Variants in TENM4 observed in about 807,000 individuals in gnomAD.
TENM4 encodes the protein teneurin-4.
In TENM4, 82 loss-of-function variants were observed where a neutral mutation model predicts 243.3. The ratio of observed to expected loss-of-function variants is 0.34; its 90% CI spans 0.28 to 0.40. The LOEUF (loss-of-function observed/expected upper bound fraction) is 0.40. Ranked by LOEUF, TENM4 falls within the 10% of genes least tolerant of loss-of-function variation. TENM4 has a pLI of 1.00. For missense variants in TENM4, 3,138 were observed against 3,673.3 expected (o/e 0.85, Z 3.77); for synonymous variants, 1,412 against 1,456.3 (o/e 0.97, Z 0.69).
chr11:78,905,838 C>T lies in TENM4; in HGVS notation c.494-2315G>A, dbSNP rs145108054. On this transcript the variant is annotated intron_variant, in intron 6 of 33. Transcript: ENST00000278550. Reference sequence around the variant, plus strand: ...CACTCAGAGAACAGGGAGTATTGGACGAGAAAGAAGGTGAGAATGTGCAGG... The same window carrying T: ...CACTCAGAGAACAGGGAGTATTGGATGAGAAAGAAGGTGAGAATGTGCAGG... Among the ~76,000 whole-genome samples, 789 of 152,268 alleles carry T rather than the reference C, an allele frequency of 5.2e-3. 9 individuals are homozygous for T. The highest frequency in any genetic ancestry group is 0.018 in the African/African-American group (761 of 41,546).
At chr11:79,139,915 T>C (rs754828136) in intron 4 of TENM4, among the ~76,000 whole-genome samples, 15 of 148,398 alleles carry the variant, frequency 1.0e-4, no homozygotes, top group Non-Finnish European at 1.6e-4. Context: ...CATAAGTGAG[T>C]GCTATAATAC....
intron 6 of TENM4, among the ~76,000 whole-genome samples, chr11:78,929,299 G>T (rs78884081): frequency 6.6e-6 from 1 of 152,166 alleles, no homozygotes; most frequent in African/African-American, 2.4e-5. Context: ...TTCCATGTGC[G>T]GCAGGTAATT....
At chr11:78,803,687 C>G (rs1383108835) in intron 15 of TENM4, among the ~76,000 whole-genome samples, 1 of 152,188 alleles carries the variant, frequency 6.6e-6, no homozygotes, top group Non-Finnish European at 1.5e-5. Flanking sequence ...ACTTAGTAAT[C>G]TCATCCAAAG....
intron 1 of TENM4, among the ~76,000 whole-genome samples, chr11:79,362,412 C>G (rs920230175): frequency 6.6e-6 from 1 of 152,222 alleles, no homozygotes; most frequent in East Asian, 1.9e-4. Context: ...AGTGGGAAGG[C>G]AGGAACTGCA....
intron 12 of TENM4, among the ~76,000 whole-genome samples, chr11:78,835,535 C>CA (rs1565399432): frequency 6.6e-6 from 1 of 152,168 alleles, no homozygotes; most frequent in Non-Finnish European, 1.5e-5. Context: ...ATCAAACAAA[C>CA]AAAAAAAGCC....
chr11:79,302,635 G>T lies in TENM4; in HGVS notation c.-320-5092C>A, dbSNP rs150502320. On this transcript the variant is annotated intron_variant, in intron 1 of 33. Transcript: ENST00000278550. ...TTTTCTGAAGTTACTTTCTTGAATT[G>T]ATTGTTGGTCAGAGAGGCTCAGTAC... Among the ~76,000 whole-genome samples the T allele has an allele frequency of 2.6e-5, 4 of 152,228 alleles. No homozygotes were observed. The East Asian group carries it at 7.7e-4, about 29-fold the overall frequency.
At chr11:79,206,731 T>G (rs143988994) in intron 3 of TENM4, among the ~76,000 whole-genome samples, 108 of 152,278 alleles carry the variant, frequency 7.1e-4, no homozygotes, top group Non-Finnish European at 1.3e-3. Flanking sequence ...AGAAGTACCT[T>G]CCACCTCCGG....
chr11:78,719,736 C>CA (rs1424114921), intron 25 of TENM4, among the ~76,000 whole-genome samples: 1 of 152,212 alleles, frequency 6.6e-6, no homozygotes, highest in Non-Finnish European at 1.5e-5. Context: ...GTGATGCTGA[C>CA]AGGCAGACAC....
At chr11:78,958,622 G>A (rs2136520773) in intron 6 of TENM4, among the ~76,000 whole-genome samples, 1 of 152,322 alleles carries the variant, frequency 6.6e-6, no homozygotes, top group East Asian at 1.9e-4. Context: ...GGGCAGCTCT[G>A]AGGCCTACCA....
At position 78,913,773 on chromosome 11, in the gene TENM4, C is replaced by T. The variant is rs369490824; in HGVS notation, c.494-10250G>A. On this transcript the variant is annotated intron_variant, in intron 6 of 33. Transcript: ENST00000278550. ...GCCATGCTGTGCTGATTTGCTGGAGCGGGCCCAGAGGAGGGATACTGGATG... is the reference window on the plus strand; with the variant it reads ...GCCATGCTGTGCTGATTTGCTGGAGTGGGCCCAGAGGAGGGATACTGGATG... Among the ~76,000 whole-genome samples the T allele has an allele frequency of 1.7e-4, 26 of 152,216 alleles. 1 individual carries two copies. In the South Asian group the frequency reaches 4.8e-3, roughly 28 times the overall value.
chr11:79,192,186 C>G lies in TENM4; in HGVS notation c.-163+23622G>C, dbSNP rs61882114. ...CCCGGCCAGCTGCCCGGTCTGGGAG[C>G]TGAGGGGCACCTCTGCCCGGCCGCC... On this transcript the variant is annotated intron_variant, in intron 3 of 33. Transcript: ENST00000278550. Among the ~76,000 whole-genome samples the G allele has an allele frequency of 3.0e-3, 428 of 144,582 alleles. 1 individual carries two copies. Among genetic ancestry groups the G allele is most frequent in the African/African-American group, 0.011 (410 of 38,838 alleles). The allele number at this position is 144,582 out of a possible 152,430, so 94.9% of individuals were successfully genotyped here.
intron 2 of TENM4, among the ~76,000 whole-genome samples, chr11:79,275,798 A>G (rs374555472): frequency 8.5e-5 from 13 of 152,248 alleles, no homozygotes; most frequent in Non-Finnish European, 1.6e-4. Context: ...GAGGGCAAAT[A>G]GAAGTTGGTT....
intron 6 of TENM4, among the ~76,000 whole-genome samples, chr11:78,921,548 G>A (rs908601193): frequency 4.6e-5 from 7 of 152,180 alleles, no homozygotes; most frequent in Non-Finnish European, 7.3e-5. Flanking sequence ...TGCCGTGTAT[G>A]AGCCTGACTG....
rs1484483885 is a variant in TENM4 at position 78,712,546 on chromosome 11, G to C, written c.3990C>G (p.Pro1330=). ...CATCCCCGCAGCGAGTGTCATCAAA[G>C]GGGAGGCACTGGTCACCTGTCCCCG... is the stretch of plus-strand genomic sequence containing the variant. The part of the protein sequence containing the change: ...VVAGTGDQCL[P]FDDTRCGDGG... The change falls in exon 26 of 34, where the codon CCC becomes CCG. Residue 1330 remains proline (P), a synonymous_variant. Coordinates refer to ENST00000278550, the MANE Select transcript of TENM4 (RefSeq NM_001098816.3). 1 of 1,613,986 alleles carries C rather than the reference G, an allele frequency of 6.2e-7. No homozygotes were observed. The highest frequency in any genetic ancestry group is 8.5e-7 in the Non-Finnish European group (1 of 1,179,888).
intron 6 of TENM4, among the ~76,000 whole-genome samples, chr11:78,924,979 C>T (rs1003561892): frequency 3.3e-5 from 5 of 152,328 alleles, no homozygotes; most frequent in Non-Finnish European, 5.9e-5. Context: ...GGTTCACTTA[C>T]ACAGGCTGAG....
intron 9 of TENM4, among the ~76,000 whole-genome samples, 193 bp from the exon 10 acceptor site, chr11:78,863,325 C>A (rs1169449017): frequency 6.6e-6 from 1 of 152,228 alleles, no homozygotes; most frequent in African/African-American, 2.4e-5. Context: ...AAGGTTCAGA[C>A]CCTGCCCTCA....
intron 28 of TENM4, among the ~76,000 whole-genome samples, chr11:78,690,345 T>C (rs1678532427): frequency 6.6e-6 from 1 of 152,156 alleles, no homozygotes; most frequent in Admixed American, 6.5e-5. Context: ...TTTTTAACCA[T>C]TTGTGGCCAC....
At chr11:79,357,766 A>C (rs749906189) in intron 1 of TENM4, among the ~76,000 whole-genome samples, 3 of 152,220 alleles carry the variant, frequency 2.0e-5, no homozygotes, top group Non-Finnish European at 4.4e-5. Context: ...GACAAATATA[A>C]TTGATGACAA....
intron 25 of TENM4, among the ~76,000 whole-genome samples, chr11:78,716,801 T>C (rs1427204210): frequency 1.3e-5 from 2 of 152,224 alleles, no homozygotes; most frequent in East Asian, 3.8e-4. Flanking sequence ...TTCAATTCTG[T>C]AGCTCTGGGG....
Sources: allele counts gnomAD v4.1 joint callset (sites outside exome capture counted in the v4.1 genomes callset), GRCh38; gene constraint gnomAD v4.1.1; transcripts MANE v1.5; gene names NCBI Gene and HGNC (gene_info 2026-07-23, HGNC 2026-07-21).